RIMBP2: variants seen among roughly 807,000 people sequenced by gnomAD.
The protein encoded by RIMBP2 is RIMS-binding protein 2.
Under a neutral mutation model 118.6 loss-of-function variants are expected in RIMBP2, and 48 were observed. The ratio of observed to expected loss-of-function variants is 0.40; its 90% CI spans 0.32 to 0.51. The LOEUF (loss-of-function observed/expected upper bound fraction) is 0.51, where lower values mean the gene tolerates loss of function less well. Among genes scored for constraint, RIMBP2 ranks in the 20% least tolerant of loss-of-function variants. RIMBP2 has a pLI of 0.41. For synonymous variants in RIMBP2, 762 were observed against 742.9 expected (o/e 1.03, Z -0.42); for missense variants, 1,551 against 1,768.3 (o/e 0.88, Z 2.20).
At chr12:130,551,643 T>C (rs953904154) in intron 2 of RIMBP2, among the ~76,000 whole-genome samples, 5 of 152,188 alleles carry the variant, frequency 3.3e-5, no homozygotes, top group Non-Finnish European at 7.4e-5. Flanking sequence ...GTTCCCTGTG[T>C]CCAATTTATA....
intron 4 of RIMBP2, among the ~76,000 whole-genome samples, chr12:130,495,182 C>T (rs1403649145): frequency 6.6e-6 from 1 of 152,210 alleles, no homozygotes; most frequent in Non-Finnish European, 1.5e-5. Context: ...AGGACTTGGG[C>T]GTCATTTGGG....
At position 130,450,083 on chromosome 12, in the gene RIMBP2, A is replaced by T; in HGVS notation, c.581+117T>A. The T allele has an allele frequency of 1.5e-6, 1 of 687,164 alleles. No individual in the cohort carries two copies. Among genetic ancestry groups the T allele is most frequent in the Non-Finnish European group, 2.5e-6 (1 of 394,890 alleles). 42.6% of individuals were successfully genotyped at this position (687,164 alleles called of 1,614,324 possible). On this transcript the variant is annotated intron_variant, in intron 9 of 22. Transcript: ENST00000690449. The surrounding 1 kb of genome is among the most constrained non-coding windows in gnomAD (Gnocchi z 4.8). ...AGCCTCCAGGCCAGGCTGAAATCCC[A>T]CCTTCTCCTCGTGCCCTGGGAGAAG...
intron 1 of RIMBP2, among the ~76,000 whole-genome samples, chr12:130,702,477 C>T (rs2065898598): frequency 6.7e-6 from 1 of 150,002 alleles, no homozygotes; most frequent in Admixed American, 6.7e-5. Flanking sequence ...GATCATGCCA[C>T]TGCACTCCAG....
chr12:130,539,039 G>C (rs568204328), intron 2 of RIMBP2, among the ~76,000 whole-genome samples: 1 of 152,170 alleles, frequency 6.6e-6, no homozygotes, highest in Non-Finnish European at 1.5e-5. Context: ...TCTAGACCAC[G>C]CTTCAGAAAA....
intron 1 of RIMBP2, among the ~76,000 whole-genome samples, chr12:130,707,169 TG>T (rs1383182179): frequency 6.6e-6 from 1 of 151,898 alleles, no homozygotes; most frequent in Non-Finnish European, 1.5e-5. Context: ...GGAAGAGCGG[TG>T]GGGTCACAGA....
chr12:130,701,032 G>A (rs2065830753), intron 1 of RIMBP2, among the ~76,000 whole-genome samples: 1 of 152,258 alleles, frequency 6.6e-6, no homozygotes, highest in Non-Finnish European at 1.5e-5. Context: ...CAGACAAGAA[G>A]AGTGCACAGG....
chr12:130,568,609 A>G (rs139211062), intron 2 of RIMBP2, among the ~76,000 whole-genome samples: 1 of 152,340 alleles, frequency 6.6e-6, no homozygotes, highest in East Asian at 1.9e-4. Flanking sequence ...AGTGGCAATG[A>G]AAGTCTCTGC....
chr12:130,565,557 C>G (rs936965398), intron 2 of RIMBP2, among the ~76,000 whole-genome samples: 1 of 152,166 alleles, frequency 6.6e-6, no homozygotes, highest in Non-Finnish European at 1.5e-5. Context: ...CTTCCTTATT[C>G]TCAGAAAAGA....
At chr12:130,533,330 A>G (rs1369278058) in intron 2 of RIMBP2, among the ~76,000 whole-genome samples, 1 of 152,222 alleles carries the variant, frequency 6.6e-6, no homozygotes, top group African/African-American at 2.4e-5. Context: ...CTAATCAGAG[A>G]AATGCAAACT....
Position 130,434,839 on chromosome 12 carries a change from C to G in RIMBP2, c.2148G>C (p.Gly716=). ...RSVFLERSSA[G]QYAASDEEDA... Reference sequence around the variant, plus strand: ...CCTCCTCGTCTGAGGCGGCGTACTGCCCCGCGCTGCTTCTCTCTAGGAAGA... The same window carrying G: ...CCTCCTCGTCTGAGGCGGCGTACTGGCCCGCGCTGCTTCTCTCTAGGAAGA... Residue 716 remains glycine (G), a synonymous_variant, in exon 14 of 23, where the codon GGG becomes GGC. Transcript: ENST00000690449. This position sits in a 1 kb window ranked among gnomAD's most constrained non-coding sequence, Gnocchi z 5.7. The G allele has an allele frequency of 6.2e-7, 1 of 1,613,172 alleles. No individual in the cohort carries two copies. The highest frequency in any genetic ancestry group is 8.5e-7 in the Non-Finnish European group (1 of 1,179,680).
At chr12:130,486,168 C>T (rs1294016050) in intron 4 of RIMBP2, among the ~76,000 whole-genome samples, 1 of 152,148 alleles carries the variant, frequency 6.6e-6, no homozygotes, top group East Asian at 1.9e-4. Flanking sequence ...GATTCTCCCA[C>T]TAAGGCAGCC....
chr12:130,535,265 G>A (rs769332124), intron 2 of RIMBP2, among the ~76,000 whole-genome samples: 4 of 152,108 alleles, frequency 2.6e-5, no homozygotes, highest in Admixed American at 6.6e-5. Context: ...TTGGGAGTCC[G>A]AGATGGGAGA....
At chr12:130,709,308 T>C (rs75341443) in intron 1 of RIMBP2, among the ~76,000 whole-genome samples, 2,515 of 152,294 alleles carry the variant, frequency 0.017, 76 homozygotes, top group African/African-American at 0.057. Flanking sequence ...GAGACAATTA[T>C]TGAGCCCCAG....
rs142950016 is a variant in RIMBP2, at chr12:130,448,368, A to C, written c.581+1832T>G. 6.2e-3 allele frequency among the ~76,000 whole-genome samples: 945 copies of C among 152,302 alleles called. 9 individuals are homozygous for C. The highest frequency in any genetic ancestry group is 0.011 in the South Asian group (55 of 4,830). ...ATAGAAGTGGCAGGAACGCAAACCC[A>C]GTGGCCCTCTGAGGTTGGCCATCGT... On this transcript the variant is annotated intron_variant, in intron 9 of 22. Coordinates refer to ENST00000690449, the MANE Select transcript of RIMBP2 (RefSeq NM_001393629.1).
chr12:130,593,192 G>A (rs1346454096), intron 2 of RIMBP2, among the ~76,000 whole-genome samples: 2 of 152,202 alleles, frequency 1.3e-5, no homozygotes, highest in African/African-American at 2.4e-5. Flanking sequence ...CCCAAGGAGG[G>A]ACCCTCCACC....
In RIMBP2 at chr12:130,664,425, A is replaced by ACGCACGCACGCACACG. The variant is rs1566439074; in HGVS notation, c.-351-35970_-351-35969insCGTGTGCGTGCGTGCG. Among the ~76,000 whole-genome samples, 24 of 77,062 alleles carry ACGCACGCACGCACACG rather than the reference A, an allele frequency of 3.1e-4. 1 individual carries two copies. Among genetic ancestry groups the ACGCACGCACGCACACG allele is most frequent in the East Asian group, 2.3e-3 (7 of 3,094 alleles). The allele number at this position is 77,062 out of a possible 152,430, so 50.6% of individuals were successfully genotyped here. On this transcript the variant is annotated intron_variant, in intron 1 of 22. Coordinates refer to ENST00000690449, the MANE Select transcript of RIMBP2 (RefSeq NM_001393629.1). ...CACGCACGCACGCACACACACGCAC[A>ACGCACGCACGCACACG]CACATGCATGCACGCACACACGCAC...
chr12:130,641,188 C>T (rs376531884), intron 1 of RIMBP2, among the ~76,000 whole-genome samples: 4 of 152,264 alleles, frequency 2.6e-5, no homozygotes, highest in Non-Finnish European at 4.4e-5. Context: ...TCAGATGGTC[C>T]CAAGTCCTCT....
chr12:130,544,393 C>T (rs1270498511), intron 2 of RIMBP2, among the ~76,000 whole-genome samples: 1 of 152,184 alleles, frequency 6.6e-6, no homozygotes, highest in Non-Finnish European at 1.5e-5. Context: ...TAAGCCTGAT[C>T]CTACTCATTG....
At chr12:130,571,866 G>C (rs913506786) in intron 2 of RIMBP2, among the ~76,000 whole-genome samples, 1 of 152,044 alleles carries the variant, frequency 6.6e-6, no homozygotes, top group African/African-American at 2.4e-5. Context: ...ACACACCCAG[G>C]GAGCCCACCT....
Sources: gnomAD v4.1 joint callset for allele counts (sites outside exome capture counted in the v4.1 genomes callset) on GRCh38, gnomAD v4.1.1 for gene constraint, Gnocchi (gnomAD v3.1) non-coding constraint, MANE v1.5 for transcripts, NCBI Gene and HGNC (gene_info 2026-07-23, HGNC 2026-07-21) for gene names.